CFTR: variants seen among roughly 807,000 people sequenced by gnomAD.
The protein encoded by CFTR is CF transmembrane conductance regulator.
Under a neutral mutation model 171.6 loss-of-function variants are expected in CFTR, and 181 were observed. The ratio of observed to expected loss-of-function variants is 1.05; its 90% confidence interval spans 0.93 to 1.19. The LOEUF (loss-of-function observed/expected upper bound fraction) is 1.19, where lower values mean the gene tolerates loss of function less well. Among genes scored for constraint, CFTR ranks in the 50% most tolerant of loss-of-function variants. CFTR has a pLI of 0.00. For missense variants in CFTR, 1,968 were observed against 1,734.7 expected, an observed-to-expected ratio of 1.13 and a Z score of -2.39; for synonymous variants, 583 against 608.0, an observed-to-expected ratio of 0.96 and a Z score of 0.60.
In CFTR at chr7:117,611,794, C is replaced by G. The variant is rs146521846; in HGVS notation, c.3353C>G (p.Ser1118Cys). Reference sequence around the variant, plus strand: ...TTCTTCATTGCTGTTACCTTCATTTCCATTTTAACAACAGGTACTATGAAC... The same window carrying G: ...TTCTTCATTGCTGTTACCTTCATTTGCATTTTAACAACAGGTACTATGAAC... ...VIFFIAVTFISILTTGEGEGR... is the reference protein window; with the variant it reads ...VIFFIAVTFICILTTGEGEGR... Residue 1118 changes from serine (S) to cysteine (C), a missense_variant, in exon 20 of 27, where the codon TCC (serine) becomes TGC (cysteine). Transcript: ENST00000003084. The G allele has an allele frequency of 1.1e-5, 17 of 1,610,154 alleles. No individual in the cohort carries two copies. Among genetic ancestry groups the G allele is most frequent in the Non-Finnish European group, 1.4e-5 (16 of 1,177,180 alleles).
Position 117,627,515 on chromosome 7 carries a change from A to G in CFTR, c.3469-7A>G, listed in dbSNP as rs1379432392. Reference sequence around the variant, plus strand: ...TAAAAACAAAAATGTTGTTATTTTTATTTCAGATGCGATCTGTGAGCCGAG... The same window carrying G: ...TAAAAACAAAAATGTTGTTATTTTTGTTTCAGATGCGATCTGTGAGCCGAG... On this transcript the variant is annotated splice_region_variant and splice_polypyrimidine_tract_variant and intron_variant, in intron 21 of 26. Coordinates refer to ENST00000003084, the MANE Select transcript of CFTR (RefSeq NM_000492.4). The G allele has an allele frequency of 6.2e-7, 1 of 1,612,854 alleles. No individual in the cohort carries two copies. Among genetic ancestry groups the G allele is most frequent in the Non-Finnish European group, 8.5e-7 (1 of 1,179,192 alleles).
intron 16 of CFTR, 56 bp from the exon 17 acceptor site, chr7:117,603,476 G>C (rs1792255091): frequency 2.5e-6 from 4 of 1,605,374 alleles, no homozygotes; most frequent in Non-Finnish European, 3.4e-6. Context: ...TACATGTATT[G>C]GAAATTCAGT....
At chr7:117,615,170 A>T (rs1445284076) in intron 21 of CFTR, among the ~76,000 whole-genome samples, 2 of 152,110 alleles carry the variant, frequency 1.3e-5, no homozygotes, top group Non-Finnish European at 2.9e-5. Flanking sequence ...TGCATACATA[A>T]TTATTGGCTT....
intron 15 of CFTR, among the ~76,000 whole-genome samples, chr7:117,602,058 C>G (rs1792234683): frequency 6.6e-6 from 1 of 152,048 alleles, no homozygotes; most frequent in Admixed American, 6.6e-5. Context: ...TTAAGACAAT[C>G]TCACTCTGTC....
At chr7:117,499,062 A>G (rs954030415) in intron 1 of CFTR, among the ~76,000 whole-genome samples, 1 of 152,104 alleles carries the variant, frequency 6.6e-6, no homozygotes, top group African/African-American at 2.4e-5. Context: ...TGAATTTCCT[A>G]TTTTATTTTA....
At chr7:117,602,775 A>G in intron 15 of CFTR, 51 bp from the exon 16 acceptor site, 1 of 1,487,572 alleles carries the variant, frequency 6.7e-7, no homozygotes, top group Non-Finnish European at 9.4e-7. Context: ...GCATGGGAGG[A>G]ATAGGTGAAG....
chr7:117,566,159 C>T (rs559722837), intron 11 of CFTR, among the ~76,000 whole-genome samples: 1 of 151,914 alleles, frequency 6.6e-6, no homozygotes, highest in South Asian at 2.1e-4. Flanking sequence ...TGAGGCCAGG[C>T]GTGGTGTCTC....
chr7:117,552,075 T>C (rs1046510628), intron 10 of CFTR, among the ~76,000 whole-genome samples: 9 of 152,128 alleles, frequency 5.9e-5, no homozygotes, highest in East Asian at 3.9e-4. Flanking sequence ...TATATATATA[T>C]ACACACACAC....
At chr7:117,606,328 T>C (rs1317740740) in intron 17 of CFTR, among the ~76,000 whole-genome samples, 1 of 152,152 alleles carries the variant, frequency 6.6e-6, no homozygotes, top group Non-Finnish European at 1.5e-5. Context: ...TAAGTTGTCA[T>C]TAAATGCAAG....
intron 1 of CFTR, among the ~76,000 whole-genome samples, chr7:117,492,219 C>T (rs896350908): frequency 6.6e-6 from 1 of 151,866 alleles, no homozygotes; most frequent in Non-Finnish European, 1.5e-5. Context: ...ATAATGTTGG[C>T]TGGAAGTTTT....
At chr7:117,484,431 A>C (rs1453572690) in intron 1 of CFTR, among the ~76,000 whole-genome samples, 2 of 152,124 alleles carry the variant, frequency 1.3e-5, no homozygotes. Context: ...ATCCTATAGG[A>C]ATTGGAGGGG....
chr7:117,603,384 A>AATAG, intron 16 of CFTR, 148 bp from the exon 17 acceptor site: 1 of 764,784 alleles, frequency 1.3e-6, no homozygotes, highest in South Asian at 1.6e-5. Context: ...TTCTTGCAAT[A>AATAG]ATAGTATGAT....
chr7:117,496,523 T>C (rs1205984694), intron 1 of CFTR, among the ~76,000 whole-genome samples: 3 of 152,192 alleles, frequency 2.0e-5, no homozygotes, highest in Admixed American at 6.6e-5. Context: ...CTTTTTATTG[T>C]TGAATAATAT....
At chr7:117,649,288 GTGTGTGTGTGTGTGTATA>G (rs1793046941) in intron 23 of CFTR, among the ~76,000 whole-genome samples, 3 of 150,520 alleles carry the variant, frequency 2.0e-5, no homozygotes, top group Non-Finnish European at 3.0e-5. Flanking sequence ...ATGTGTGTGT[GTGTGTGTGTGTGTGTATA>G]TGTGTGTGTG....
At chr7:117,486,199 A>C (rs549801326) in intron 1 of CFTR, among the ~76,000 whole-genome samples, 1 of 152,312 alleles carries the variant, frequency 6.6e-6, no homozygotes, top group African/African-American at 2.4e-5. Context: ...TCAGGCCTGA[A>C]GCTATGCCTG....
intron 11 of CFTR, among the ~76,000 whole-genome samples, chr7:117,578,566 C>A (rs1394408799): frequency 3.3e-5 from 5 of 152,008 alleles, no homozygotes; most frequent in Admixed American, 3.3e-4. Context: ...TCATGTTGTC[C>A]AAGGGCGTTG....
chr7:117,647,969 C>A (rs1793019906), intron 23 of CFTR, among the ~76,000 whole-genome samples: 1 of 149,694 alleles, frequency 6.7e-6, no homozygotes, highest in Non-Finnish European at 1.5e-5. Context: ...TATTTATAAG[C>A]ATTTGGGCCA....
Position 117,485,762 on chromosome 7 carries a change from A to T in CFTR, c.53+5615A>T, listed in dbSNP as rs34419743. Among the ~76,000 whole-genome samples, 33 of 152,270 alleles carry T rather than the reference A, an allele frequency of 2.2e-4. 1 individual carries two copies. The East Asian group carries it at 6.2e-3, about 28-fold the overall frequency. On this transcript the variant is annotated intron_variant, in intron 1 of 26. Coordinates refer to ENST00000003084, the MANE Select transcript of CFTR (RefSeq NM_000492.4). ...TGTCAACTTTGCTATTTTTCTGTGCAGCTCTGTTAACTTATTATTATCTTT... is the reference window on the plus strand; with the variant it reads ...TGTCAACTTTGCTATTTTTCTGTGCTGCTCTGTTAACTTATTATTATCTTT...
chr7:117,581,391 T>A (rs752621541), intron 11 of CFTR, among the ~76,000 whole-genome samples: 28 of 152,186 alleles, frequency 1.8e-4, no homozygotes, highest in Admixed American at 4.6e-4. Context: ...ATCTGCTTTT[T>A]TTTTGTAATG....
Sources: gnomAD v4.1 joint callset for allele counts (sites outside exome capture counted in the v4.1 genomes callset) on GRCh38, gnomAD v4.1.1 for gene constraint, MANE v1.5 for transcripts, NCBI Gene and HGNC (gene_info 2026-07-23, HGNC 2026-07-21) for gene names.